The following RUNX3 variants were observed in gnomAD, a reference collection of about 807,000 sequenced individuals.
RUNX3 encodes runt-related transcription factor 3.
In RUNX3, 10 loss-of-function variants were observed where a neutral mutation model predicts 27.7. The ratio of observed to expected loss-of-function variants is 0.36; its 90% confidence interval spans 0.22 to 0.61. The LOEUF is 0.61. Ranked by LOEUF, RUNX3 falls within the 20% of genes least tolerant of loss-of-function variation. RUNX3 has a pLI of 0.72. For synonymous variants in RUNX3, 270 were observed against 269.2 expected (o/e 1.00, Z -0.03); for missense variants, 469 against 629.5 (o/e 0.75, Z 2.73).
chr1:24,940,326 G>A (rs908732396), intron 2 of RUNX3, among the ~76,000 whole-genome samples: 2 of 152,180 alleles, frequency 1.3e-5, no homozygotes, highest in African/African-American at 4.8e-5. Flanking sequence ...TTGAACAAAT[G>A]AGAGAGCGAC....
chr1:24,952,692 C>T (rs1272987741), intron 2 of RUNX3, among the ~76,000 whole-genome samples: 1 of 152,198 alleles, frequency 6.6e-6, no homozygotes, highest in East Asian at 1.9e-4. Flanking sequence ...CTGTTCTCAC[C>T]TTCCTTGTCT....
intron 1 of RUNX3, chr1:24,929,279 G>A: frequency 1.6e-6 from 1 of 620,548 alleles, no homozygotes; most frequent in Non-Finnish European, 3.0e-6. Flanking sequence ...GGCTGTATCT[G>A]AGCGATCCGG....
At chr1:24,929,295 G>C (rs1348397886) in intron 1 of RUNX3, 9 of 649,962 alleles carry the variant, frequency 1.4e-5, no homozygotes, top group Non-Finnish European at 2.3e-5. Flanking sequence ...TCCGGGTTAG[G>C]GGGGCGCAAA....
intron 2 of RUNX3, among the ~76,000 whole-genome samples, chr1:24,924,974 A>G (rs1641071719): frequency 6.6e-6 from 1 of 152,066 alleles, no homozygotes; most frequent in African/African-American, 2.4e-5. Flanking sequence ...CGTGTCTTTC[A>G]TGGAAAGCCA....
rs1284015034 is a variant in RUNX3 at position 24,919,565 on chromosome 1, G to A, written c.440-221C>T. 8.6e-6 allele frequency: 4 copies of A among 467,192 alleles called. 1 individual carries two copies. Among genetic ancestry groups the A allele is most frequent in the Non-Finnish European group, 1.5e-5 (4 of 262,566 alleles). 28.9% of individuals were successfully genotyped at this position (467,192 alleles called of 1,614,324 possible). ...CTGACGCCAACTTTGTCAACCCCCC[G>A]CCCCATGCCGTGACCACCCTGGCTC... On this transcript the variant is annotated intron_variant, in intron 2 of 4. Transcript: ENST00000308873.
intron 2 of RUNX3, among the ~76,000 whole-genome samples, chr1:24,949,535 CA>C (rs1196995879): frequency 9.2e-5 from 14 of 152,222 alleles, no homozygotes; most frequent in Admixed American, 9.2e-4. Context: ...AACTGAGTCC[CA>C]ACCTTGACCA....
At position 24,902,585 on chromosome 1, in the gene RUNX3, C is replaced by T. The variant is rs753201950; in HGVS notation, c.785G>A (p.Arg262His). The change falls in exon 5 of 5, where the codon CGC (arginine) becomes CAC (histidine). Residue 262 changes from arginine (R) to histidine (H), a missense_variant. Arg to His is a conservative substitution (Grantham distance 29). Around this residue, in one of 3 missense-constraint regions of RUNX3, gnomAD observed 279 missense variants for 343.0 expected, o/e 0.81. Transcript: ENST00000308873. The surrounding 1 kb of genome is among the most constrained non-coding windows in gnomAD (Gnocchi z 9.2). ...ATAATGCATCCTGGGGTCTGGGAAG[C>T]GGCTCTCCGTGAGGGTTGGCAGCGT... ...FPTLPTLTESRFPDPRMHYPG... is the reference protein window; with the variant it reads ...FPTLPTLTESHFPDPRMHYPG... The T allele has an allele frequency of 6.4e-6, 10 of 1,562,338 alleles. No homozygotes were observed. The highest frequency in any genetic ancestry group is 1.4e-5 in the African/African-American group (1 of 73,664).
At chr1:24,950,205 A>C (rs1641722493) in intron 2 of RUNX3, among the ~76,000 whole-genome samples, 1 of 152,132 alleles carries the variant, frequency 6.6e-6, no homozygotes, top group South Asian at 2.1e-4. Flanking sequence ...CTCTCAACCC[A>C]CGGTGGTGTT....
Position 24,904,321 on chromosome 1 carries a change from G to A in RUNX3, c.704-1655C>T, listed in dbSNP as rs528285549. Among the ~76,000 whole-genome samples, 1 of 152,328 alleles carries A rather than the reference G, an allele frequency of 6.6e-6. No individual in the cohort carries two copies. The highest frequency in any genetic ancestry group is 1.5e-5 in the Non-Finnish European group (1 of 68,024). On this transcript the variant is annotated intron_variant, in intron 4 of 4. Coordinates refer to ENST00000308873, the MANE Select transcript of RUNX3 (RefSeq NM_004350.3). This position sits in a 1 kb window ranked among gnomAD's most constrained non-coding sequence, Gnocchi z 5.7. ...TTTGGGGTCTTCCCAAGTCAGCTGG[G>A]GTATGTTTCCCTCAGCAGCGTACTC...
chr1:24,941,945 A>G (rs939997373), intron 2 of RUNX3, among the ~76,000 whole-genome samples: 14 of 152,308 alleles, frequency 9.2e-5, no homozygotes, highest in Admixed American at 5.9e-4. Flanking sequence ...ACTGGCAGGA[A>G]TGTGACATTT....
At chr1:24,937,776 A>G (rs1388405283) in intron 2 of RUNX3, among the ~76,000 whole-genome samples, 1 of 152,236 alleles carries the variant, frequency 6.6e-6, no homozygotes, top group Non-Finnish European at 1.5e-5. Flanking sequence ...CCTGGGCAAC[A>G]GTGGACCTGG....
At chr1:24,942,734 G>C (rs1261472799) in intron 2 of RUNX3, among the ~76,000 whole-genome samples, 1 of 152,230 alleles carries the variant, frequency 6.6e-6, no homozygotes, top group Non-Finnish European at 1.5e-5. Flanking sequence ...CTGAGAGCCA[G>C]ATGGGGTGAG....
At chr1:24,956,991 C>G (rs538642398) in intron 2 of RUNX3, among the ~76,000 whole-genome samples, 1 of 152,240 alleles carries the variant, frequency 6.6e-6, no homozygotes, top group South Asian at 2.1e-4. Context: ...ACAAAAGCTC[C>G]CCCCCACAGG....
At chr1:24,921,361 A>T (rs1640997199) in intron 2 of RUNX3, among the ~76,000 whole-genome samples, 1 of 152,120 alleles carries the variant, frequency 6.6e-6, no homozygotes, top group Admixed American at 6.5e-5. Context: ...GCCCTCTGAG[A>T]CACCAGGGGG....
chr1:24,927,574 C>T lies in RUNX3; in HGVS notation c.439G>A (p.Gly147Arg). Residue 147 changes from glycine (G) to arginine (R), a missense_variant and splice_region_variant, in exon 2 of 5, where the codon GGG (glycine) becomes AGG (arginine). Coordinates refer to ENST00000308873, the MANE Select transcript of RUNX3 (RefSeq NM_004350.3). The surrounding 1 kb of genome is among the most constrained non-coding windows in gnomAD (Gnocchi z 5.0). ...ATGGCGAGGCCTCCCTTCCACTTACCTCGCCCACTGCGGCCCACGAAGCGA... is the reference window on the plus strand; with the variant it reads ...ATGGCGAGGCCTCCCTTCCACTTACTTCGCCCACTGCGGCCCACGAAGCGA... ...DLRFVGRSGR[G>R]KSFTLTITVF... 6.2e-7 allele frequency: 1 copy of T among 1,614,100 alleles called. No homozygotes were observed. Among genetic ancestry groups the T allele is most frequent in the Non-Finnish European group, 8.5e-7 (1 of 1,180,008 alleles).
intron 4 of RUNX3, among the ~76,000 whole-genome samples, 156 bp downstream of exon 4, chr1:24,907,103 G>A (rs757182238): frequency 6.6e-6 from 1 of 152,230 alleles, no homozygotes; most frequent in African/African-American, 2.4e-5. Context: ...CACAGGAACC[G>A]TCTGCAGGTG....
chr1:24,918,062 C>T (rs1425686134), intron 3 of RUNX3, among the ~76,000 whole-genome samples: 1 of 152,184 alleles, frequency 6.6e-6, no homozygotes, highest in African/African-American at 2.4e-5. Flanking sequence ...GGGCTCAGGG[C>T]TGGCAGAGGT....
chr1:24,934,978 C>T (rs1339062590), upstream of RUNX3, among the ~76,000 whole-genome samples: 2 of 152,188 alleles, frequency 1.3e-5, no homozygotes, highest in Non-Finnish European at 2.9e-5. Flanking sequence ...GTGCACCCAC[C>T]ACCTGCTCTC....
intron 2 of RUNX3, among the ~76,000 whole-genome samples, chr1:24,954,440 G>A (rs1641860208): frequency 6.6e-6 from 1 of 152,224 alleles, no homozygotes; most frequent in South Asian, 2.1e-4. Flanking sequence ...TCCAGGGAAG[G>A]AAGGAAAGGC....
Sources: allele counts gnomAD v4.1 joint callset (sites outside exome capture counted in the v4.1 genomes callset), GRCh38; gene constraint gnomAD v4.1.1; regional missense constraint gnomAD v4.1.1; non-coding constraint Gnocchi (gnomAD v3.1); transcripts MANE v1.5; gene names NCBI Gene and HGNC (gene_info 2026-07-23, HGNC 2026-07-21).